NALCN: variants seen among roughly 807,000 people sequenced by gnomAD.
NALCN encodes sodium leak channel, non-selective, also known as sodium leak channel NALCN.
Under a neutral mutation model 225.3 loss-of-function variants are expected in NALCN, and 111 were observed. That is an observed-to-expected ratio of 0.49 (90% CI 0.42 to 0.58). The LOEUF (loss-of-function observed/expected upper bound fraction) is 0.58. Ranked by LOEUF, NALCN falls within the 20% of genes least tolerant of loss-of-function variation. The pLI is 0.00. For synonymous variants in NALCN, 764 were observed against 769.0 expected (o/e 0.99, Z 0.11); for missense variants, 1,378 against 2,202.4 (o/e 0.63, Z 7.49).
chr13:101,155,988 C>T (rs1341739542), intron 15 of NALCN, among the ~76,000 whole-genome samples: 1 of 151,884 alleles, frequency 6.6e-6, no homozygotes, highest in Non-Finnish European at 1.5e-5. Context: ...TCAGTTGTCC[C>T]TCCTCCTTTA....
intron 7 of NALCN, among the ~76,000 whole-genome samples, chr13:101,315,058 AAAAT>A (rs1235060322): frequency 6.6e-6 from 1 of 152,066 alleles, no homozygotes; most frequent in African/African-American, 2.4e-5. Flanking sequence ...ACGTAATACA[AAAAT>A]AAATAATCAT....
rs147053581 is a variant in NALCN at position 101,089,964 on chromosome 13, G to T, written c.3272C>A (p.Ala1091Glu). Residue 1091 changes from alanine to glutamate, a missense_variant and splice_region_variant, in exon 29 of 44, where the codon GCG becomes GAG. Physicochemically the swap from Ala to Glu is moderately radical, Grantham distance 107. Transcript: ENST00000251127. The surrounding 1 kb of genome is among the most constrained non-coding windows in gnomAD (Gnocchi z 4.7). Reference protein sequence around the residue: ...KPGFWVPRVWANPRNFNFDNV... With the variant: ...KPGFWVPRVWENPRNFNFDNV... ...GTCGAAATTAAAGTTCCGAGGATTC[G>T]CCCTGCGATTCCAATACAGGAATGT... The T allele has an allele frequency of 1.1e-3, 1,752 of 1,613,666 alleles. No individual in the cohort carries two copies. The highest frequency in any genetic ancestry group is 1.3e-3 in the Non-Finnish European group (1,584 of 1,179,834).
At chr13:101,079,005 T>G (rs2033448852) in intron 34 of NALCN, among the ~76,000 whole-genome samples, 1 of 152,238 alleles carries the variant, frequency 6.6e-6, no homozygotes, top group Admixed American at 6.5e-5. Context: ...CCCCCTTTGC[T>G]GGGCACTCAT....
chr13:101,089,604 C>T lies in NALCN; in HGVS notation c.3489+59G>A. 6.7e-7 allele frequency: 1 copy of T among 1,490,022 alleles called. No homozygotes were observed. The highest frequency in any genetic ancestry group is 1.2e-5 in the South Asian group (1 of 86,684). 92.3% of individuals were successfully genotyped at this position (1,490,022 alleles called of 1,614,324 possible). A position where few individuals can be genotyped will look rare whatever the true frequency, so the allele number is the denominator to read the frequency against. ...GCCGCGTGTGAAAAGAAACAAATAGCTCAAAGTGAGTGGCTAGAAAAGGCT... is the reference window on the plus strand; with the variant it reads ...GCCGCGTGTGAAAAGAAACAAATAGTTCAAAGTGAGTGGCTAGAAAAGGCT... On this transcript the variant is annotated intron_variant, in intron 30 of 43. Coordinates refer to ENST00000251127, the MANE Select transcript of NALCN (RefSeq NM_052867.4). The surrounding 1 kb of genome is among the most constrained non-coding windows in gnomAD (Gnocchi z 4.7).
At chr13:101,359,167 C>T (rs1429776871) in intron 6 of NALCN, among the ~76,000 whole-genome samples, 1 of 151,756 alleles carries the variant, frequency 6.6e-6, no homozygotes. Context: ...CACATTCTGC[C>T]CATGTATCCC....
intron 14 of NALCN, chr13:101,180,836 G>A (rs1271245856): frequency 1.8e-5 from 6 of 330,108 alleles, no homozygotes; most frequent in Admixed American, 1.2e-4. Context: ...ACGGAAACAC[G>A]CTTTGTCTCT....
intron 10 of NALCN, among the ~76,000 whole-genome samples, chr13:101,283,315 G>A (rs1049442160): frequency 6.6e-6 from 1 of 152,028 alleles, no homozygotes; most frequent in Non-Finnish European, 1.5e-5. Context: ...GAGTTTATTG[G>A]GCCTTATTGT....
chr13:101,183,602 G>A (rs903902915), intron 14 of NALCN, among the ~76,000 whole-genome samples: 12 of 151,958 alleles, frequency 7.9e-5, no homozygotes, highest in African/African-American at 2.9e-4. Context: ...TGGGATTTTA[G>A]GTGCCTGCCA....
intron 19 of NALCN, 145 bp from the exon 20 acceptor site, chr13:101,110,833 CT>C: frequency 1.2e-6 from 1 of 838,130 alleles, no homozygotes; most frequent in Admixed American, 2.3e-5. Flanking sequence ...GAAGCTTATA[CT>C]CTCTCCAAAT....
In NALCN at chr13:101,083,236, C is replaced by T. The variant is rs373752094; in HGVS notation, c.3584-38G>A. On this transcript the variant is annotated intron_variant, in intron 31 of 43. Coordinates refer to ENST00000251127, the MANE Select transcript of NALCN (RefSeq NM_052867.4). ...GGTTTGGGCAAGGGCATTTTAGACACAGGTCACATTTACTTTCTTGTCGTT... is the reference window on the plus strand; with the variant it reads ...GGTTTGGGCAAGGGCATTTTAGACATAGGTCACATTTACTTTCTTGTCGTT... 4 of 1,510,844 alleles carry T rather than the reference C, an allele frequency of 2.6e-6. No individual in the cohort carries two copies. In the African/African-American group the frequency reaches 4.1e-5, roughly 16 times the overall value. The allele number at this position is 1,510,844 out of a possible 1,614,324, so 93.6% of individuals were successfully genotyped here.
At chr13:101,230,004 T>C (rs1323520068) in intron 12 of NALCN, among the ~76,000 whole-genome samples, 1 of 152,324 alleles carries the variant, frequency 6.6e-6, no homozygotes, top group South Asian at 2.1e-4. Context: ...ACCTTTGCTT[T>C]ATGATGGTTC....
At chr13:101,302,139 A>C (rs1203988414) in intron 7 of NALCN, among the ~76,000 whole-genome samples, 1 of 152,186 alleles carries the variant, frequency 6.6e-6, no homozygotes, top group Non-Finnish European at 1.5e-5. Context: ...TAGTCCAAAA[A>C]TTAGAACCAA....
intron 28 of NALCN, 88 bp downstream of exon 28, chr13:101,095,486 T>A: frequency 9.6e-7 from 1 of 1,042,420 alleles, no homozygotes; most frequent in Non-Finnish European, 1.4e-6. Flanking sequence ...GCAAAACTAC[T>A]TTTAGTTACA....
Position 101,238,294 on chromosome 13 carries a change from G to A in NALCN, c.1267-372C>T, listed in dbSNP as rs142370688. 4.1e-3 allele frequency among the ~76,000 whole-genome samples: 619 copies of A among 151,698 alleles called. 5 individuals carry two copies. Among genetic ancestry groups the A allele is most frequent in the African/African-American group, 0.014 (577 of 41,464 alleles). On this transcript the variant is annotated intron_variant, in intron 11 of 43. Coordinates refer to ENST00000251127, the MANE Select transcript of NALCN (RefSeq NM_052867.4). ...AGATAAAATTTATTTAATGTACATG[G>A]CATATTATAAAATAACAACTTACAT... is the stretch of plus-strand genomic sequence containing the variant.
chr13:101,282,208 G>A (rs1465206630), intron 10 of NALCN, among the ~76,000 whole-genome samples: 2 of 152,056 alleles, frequency 1.3e-5, no homozygotes, highest in Non-Finnish European at 2.9e-5. Context: ...CTGCAGCCCC[G>A]TGTTTACTGC....
At chr13:101,258,649 G>C (rs1473189975) in intron 10 of NALCN, 75 bp from the exon 11 acceptor site, 1 of 1,588,720 alleles carries the variant, frequency 6.3e-7, no homozygotes, top group Non-Finnish European at 8.6e-7. Context: ...TTAGTCCTTG[G>C]CTGACAGCAC....
At chr13:101,095,520 C>T in intron 28 of NALCN, 54 bp downstream of exon 28, 1 of 1,410,252 alleles carries the variant, frequency 7.1e-7, no homozygotes, top group Non-Finnish European at 9.9e-7. Context: ...TTATTTAAAG[C>T]CTTATACTGA....
rs2047258046 is a variant in NALCN at position 101,395,300 on chromosome 13, T to C, written c.174A>G (p.Pro58=). 2 of 1,614,100 alleles carry C rather than the reference T, an allele frequency of 1.2e-6. No individual in the cohort carries two copies. The highest frequency in any genetic ancestry group is 1.7e-6 in the Non-Finnish European group (2 of 1,179,970). The stretch of plus-strand genomic sequence containing the variant: ...GTGGAGGATAGTGCTCGAAGGTCAT[T>C]GGCGTATTCATACAAACAGAAATGA... ...ISVISVCMNT[P]MTFEHYPPLQ... Residue 58 remains proline, a synonymous_variant, in exon 3 of 44, where the codon CCA becomes CCG. Coordinates refer to ENST00000251127, the MANE Select transcript of NALCN (RefSeq NM_052867.4).
At chr13:101,068,324 T>C (rs887440852) in intron 38 of NALCN, among the ~76,000 whole-genome samples, 3 of 152,182 alleles carry the variant, frequency 2.0e-5, no homozygotes, top group Admixed American at 2.0e-4. Context: ...CCAGGGCCAT[T>C]TTTAAAGGTC....
Sources: gnomAD v4.1 joint callset for allele counts (sites outside exome capture counted in the v4.1 genomes callset) on GRCh38, gnomAD v4.1.1 for gene constraint, Gnocchi (gnomAD v3.1) non-coding constraint, MANE v1.5 for transcripts, NCBI Gene and HGNC (gene_info 2026-07-23, HGNC 2026-07-21) for gene names.